Variants in PAQR5 observed in about 807,000 individuals in gnomAD.
The protein encoded by PAQR5 is membrane progestin receptor gamma.
In PAQR5, 20 loss-of-function variants were observed where a neutral mutation model predicts 34.5. That is an observed-to-expected ratio of 0.58 (90% CI 0.41 to 0.84). The LOEUF (loss-of-function observed/expected upper bound fraction) is 0.84, where lower values mean the gene tolerates loss of function less well. Among genes scored for constraint, PAQR5 ranks in the 40% least tolerant of loss-of-function variants. The probability of loss-of-function intolerance (pLI) is 0.00; values close to 1 mark genes in which losing one functional copy is unlikely to be tolerated. For missense variants in PAQR5, 378 were observed against 412.7 expected (o/e 0.92, Z 0.73); for synonymous variants, 131 against 155.6 (o/e 0.84, Z 1.18).
rs1412590815 is a variant in PAQR5, at chr15:69,402,194, A to G, written c.752-1387A>G. Among the ~76,000 whole-genome samples the G allele has an allele frequency of 1.3e-5, 2 of 152,356 alleles. 1 individual carries two copies. Among genetic ancestry groups the G allele is most frequent in the South Asian group, 4.1e-4 (2 of 4,824 alleles). ...CTGGAGGCTGGAAATCTGAGATCAA[A>G]GCGTTGGCAAGTAGGCTTCTCCGGA... On this transcript the variant is annotated intron_variant, in intron 8 of 8. Transcript: ENST00000395407.
chr15:69,365,459 CAT>C (rs2055378471), intron 3 of PAQR5, among the ~76,000 whole-genome samples: 1 of 152,162 alleles, frequency 6.6e-6, no homozygotes, highest in African/African-American at 2.4e-5. Flanking sequence ...TTGAGATGAT[CAT>C]ATATGATTCA....
chr15:69,368,201 C>A (rs970585444), intron 3 of PAQR5, among the ~76,000 whole-genome samples: 3 of 151,992 alleles, frequency 2.0e-5, no homozygotes, highest in Admixed American at 6.6e-5. Flanking sequence ...TACGGGCATG[C>A]ACCACCACGC....
chr15:69,359,502 A>AG (rs1258281850), intron 2 of PAQR5, among the ~76,000 whole-genome samples: 1 of 152,080 alleles, frequency 6.6e-6, no homozygotes, highest in Non-Finnish European at 1.5e-5. Context: ...TTGATCGAGC[A>AG]GGGGGTATGT....
chr15:69,323,519 A>G (rs2054177186), intron 1 of PAQR5, among the ~76,000 whole-genome samples: 2 of 152,342 alleles, frequency 1.3e-5, no homozygotes, highest in South Asian at 2.1e-4. Context: ...TGACCTTCTC[A>G]GGTGAATGTA....
chr15:69,337,985 G>A (rs370310706), intron 2 of PAQR5, among the ~76,000 whole-genome samples: 21 of 152,288 alleles, frequency 1.4e-4, no homozygotes, highest in African/African-American at 4.1e-4. Context: ...GCTGAGGCAC[G>A]AGAATTGCTT....
At position 69,389,784 on chromosome 15, in the gene PAQR5, C is replaced by T. The variant is rs1237286065; in HGVS notation, c.512+4C>T. The T allele has an allele frequency of 2.5e-6, 4 of 1,613,818 alleles. No individual in the cohort carries two copies. The African/African-American group carries it at 4.0e-5, about 16-fold the overall frequency. ...CAGGCCTCTCCTGCTACTCCAGGTA[C>T]TGGTCGCTCTGACCTCAGATGGGAG... is the stretch of plus-strand genomic sequence containing the variant. On this transcript the variant is annotated splice_donor_region_variant and intron_variant, in intron 6 of 8. Transcript: ENST00000395407.
chr15:69,359,900 G>A (rs1425774851), intron 2 of PAQR5, 66 bp from the exon 3 acceptor site: 10 of 583,578 alleles, frequency 1.7e-5, no homozygotes, highest in Non-Finnish European at 3.1e-5. Context: ...TGAACAAGCT[G>A]ACTGTCCTGA....
chr15:69,301,332 A>G (rs1176659311), intron 1 of PAQR5, among the ~76,000 whole-genome samples: 1 of 152,056 alleles, frequency 6.6e-6, no homozygotes, highest in Admixed American at 6.6e-5. Context: ...GAGACAGAGG[A>G]CTTTCACTTT....
intron 1 of PAQR5, among the ~76,000 whole-genome samples, chr15:69,313,028 G>T (rs1414256875): frequency 2.6e-5 from 4 of 152,170 alleles, no homozygotes; most frequent in Non-Finnish European, 5.9e-5. Flanking sequence ...TTTGAGAGTG[G>T]AATTTGTGGG....
At chr15:69,402,342 G>A (rs1452135724) in intron 8 of PAQR5, among the ~76,000 whole-genome samples, 1 of 151,308 alleles carries the variant, frequency 6.6e-6, no homozygotes, top group African/African-American at 2.4e-5. Context: ...TTTTGAGACG[G>A]AGTCTCGCTC....
chr15:69,361,140 G>C (rs76970497), intron 3 of PAQR5, among the ~76,000 whole-genome samples: 4,145 of 152,288 alleles, frequency 0.027, 123 homozygotes, highest in East Asian at 0.12. Flanking sequence ...ACCTGCCTCT[G>C]TTCTCACAGG....
At chr15:69,379,394 C>T (rs979926218) in intron 3 of PAQR5, 6 of 984,100 alleles carry the variant, frequency 6.1e-6, no homozygotes, top group Admixed American at 6.1e-5. Flanking sequence ...TGGTCCTCAT[C>T]ATCAAAAGCC....
At chr15:69,400,542 A>G (rs2056593692) in intron 8 of PAQR5, among the ~76,000 whole-genome samples, 1 of 152,070 alleles carries the variant, frequency 6.6e-6, no homozygotes, top group African/African-American at 2.4e-5. Flanking sequence ...AAATACAAAA[A>G]TTAGCTGGGC....
intron 1 of PAQR5, among the ~76,000 whole-genome samples, chr15:69,332,276 C>T (rs574795041): frequency 3.3e-5 from 5 of 152,260 alleles, no homozygotes; most frequent in South Asian, 4.2e-4. Flanking sequence ...CCTATAAGCC[C>T]GCTTTTCAAG....
chr15:69,389,654 G>T lies in PAQR5; in HGVS notation c.386G>T (p.Gly129Val). The change falls in exon 6 of 9, where the codon GGC (glycine) becomes GTC (valine). Residue 129 changes from glycine (G) to valine (V), a missense_variant and splice_region_variant. Physicochemically the swap from Gly to Val is moderately radical, Grantham distance 109. Transcript: ENST00000395407. ...DYGAVNLFSL[G>V]SAIAYSAYTF... ...CCCAAGGCTGGCTTTTCTTCCCCAG[G>T]CTCAGCCATTGCCTACTCTGCATAC... The T allele has an allele frequency of 6.2e-7, 1 of 1,614,142 alleles. No individual in the cohort carries two copies.
At chr15:69,310,285 A>C (rs746534410) in intron 1 of PAQR5, among the ~76,000 whole-genome samples, 12 of 152,256 alleles carry the variant, frequency 7.9e-5, no homozygotes, top group South Asian at 2.1e-4. Context: ...TTGGTGGTTC[A>C]TGGGTATGTG....
In PAQR5 at chr15:69,300,607, TTCTTTCTTTC is replaced by T. The variant is rs1166211264; in HGVS notation, c.-277+1553_-277+1562del. On this transcript the variant is annotated intron_variant, in intron 1 of 8. Transcript: ENST00000395407. ...TTTCTTTCCTTCTTTCTTTCTTTCT[TTCTTTCTTTC>T]TTTCTTTCTTTCTTTCTTTCTTTCT... Among the ~76,000 whole-genome samples the T allele has an allele frequency of 4.5e-5, 2 of 44,032 alleles. 1 individual carries two copies. The highest frequency in any genetic ancestry group is 1.3e-4 in the African/African-American group (2 of 15,078). 28.9% of individuals were successfully genotyped at this position (44,032 alleles called of 152,430 possible).
intron 2 of PAQR5, among the ~76,000 whole-genome samples, chr15:69,348,411 G>T (rs75629213): frequency 7.2e-5 from 11 of 152,270 alleles, no homozygotes; most frequent in African/African-American, 2.2e-4. Flanking sequence ...GTCTTTGAAC[G>T]CAGGTGTTTT....
intron 2 of PAQR5, among the ~76,000 whole-genome samples, chr15:69,339,168 A>ACCCCCTCCCCC (rs111647955): frequency 7.5e-6 from 1 of 134,068 alleles, no homozygotes; most frequent in Non-Finnish European, 1.7e-5. Context: ...CCCACTGGCT[A>ACCCCCTCCCCC]CACCCCCCAC....
Sources: gnomAD v4.1 joint callset for allele counts (sites outside exome capture counted in the v4.1 genomes callset) on GRCh38, gnomAD v4.1.1 for gene constraint, MANE v1.5 for transcripts, NCBI Gene and HGNC (gene_info 2026-07-23, HGNC 2026-07-21) for gene names.